The following ETF1 variants were observed in gnomAD, a reference collection of about 807,000 sequenced individuals.
ETF1 encodes the protein eukaryotic translation termination factor 1, also known as eukaryotic peptide chain release factor subunit 1.
ETF1 carries 4 observed loss-of-function variants against 55.1 expected under a neutral mutation model. The observed-to-expected ratio is 0.07, with a 90% CI of 0.04 to 0.17. The LOEUF (loss-of-function observed/expected upper bound fraction) is 0.17, where lower values mean the gene tolerates loss of function less well. ETF1 is among the 10% of genes least tolerant of loss of function. The probability of loss-of-function intolerance (pLI) is 1.00; values close to 1 mark genes in which losing one functional copy is unlikely to be tolerated. For missense variants in ETF1, 142 were observed against 523.6 expected, an observed-to-expected ratio of 0.27 and a Z score of 7.11; for synonymous variants, 157 against 182.3, an observed-to-expected ratio of 0.86 and a Z score of 1.12.
chr5:138,529,179 C>CAA (rs200791305), intron 2 of ETF1, among the ~76,000 whole-genome samples: 1 of 151,516 alleles, frequency 6.6e-6, no homozygotes, highest in Non-Finnish European at 1.5e-5. Flanking sequence ...AACAAACAAA[C>CAA]AAAAAAAACA....
intron 2 of ETF1, among the ~76,000 whole-genome samples, chr5:138,535,477 T>C (rs1173028264): frequency 6.6e-6 from 1 of 151,222 alleles, no homozygotes; most frequent in African/African-American, 2.4e-5. Context: ...CCCAGCACTT[T>C]GGGAGGCCGA....
intron 2 of ETF1, among the ~76,000 whole-genome samples, chr5:138,522,114 G>GTT: frequency 6.6e-6 from 1 of 151,286 alleles, no homozygotes; most frequent in African/African-American, 2.4e-5. Context: ...TGTTTTTTTG[G>GTT]TTTTTTTTAC....
intron 2 of ETF1, among the ~76,000 whole-genome samples, chr5:138,522,062 A>C (rs1765253842): frequency 6.6e-6 from 1 of 152,144 alleles, no homozygotes; most frequent in African/African-American, 2.4e-5. Context: ...CAAAATTAAA[A>C]ACTTTTAGGC....
chr5:138,530,732 C>G (rs188221800), intron 2 of ETF1, among the ~76,000 whole-genome samples: 27 of 151,276 alleles, frequency 1.8e-4, no homozygotes, highest in Non-Finnish European at 3.8e-4. Context: ...CGCCACAATG[C>G]CTGGCTATTT....
chr5:138,530,864 C>T (rs964189055), intron 2 of ETF1, among the ~76,000 whole-genome samples: 2 of 152,210 alleles, frequency 1.3e-5, no homozygotes, highest in Non-Finnish European at 2.9e-5. Flanking sequence ...TGTGCCCGGC[C>T]TCAAATACGC....
chr5:138,515,216 C>A (rs1326856616), intron 4 of ETF1, among the ~76,000 whole-genome samples: 2 of 152,164 alleles, frequency 1.3e-5, no homozygotes, highest in Non-Finnish European at 2.9e-5. Context: ...CACTCGAGGT[C>A]AGGAGTTTCA....
intron 5 of ETF1, 196 bp from the exon 6 acceptor site, chr5:138,513,150 G>C: frequency 1.0e-6 from 1 of 985,274 alleles, no homozygotes; most frequent in Non-Finnish European, 1.2e-6. Flanking sequence ...GAGAGGAGCT[G>C]TAAGTACCAA....
rs374431705 is a variant in ETF1 at position 138,508,265 on chromosome 5, T to C, written c.*40A>G. 7.0e-5 allele frequency: 113 copies of C among 1,604,090 alleles called. No homozygotes were observed. Among genetic ancestry groups the C allele is most frequent in the Admixed American group, 1.7e-5 (1 of 58,820 alleles). On this transcript the variant is annotated 3_prime_UTR_variant, in exon 11 of 11. Transcript: ENST00000360541. ...TGGGTATGCTCCTTGGGTTGGATGC[T>C]GGAGGGTGAGGCACGTTTTGCCGGA...
At chr5:138,531,063 T>C (rs1030688711) in intron 2 of ETF1, among the ~76,000 whole-genome samples, 2 of 152,184 alleles carry the variant, frequency 1.3e-5, no homozygotes, top group African/African-American at 4.8e-5. Context: ...CCCAAATTCA[T>C]GTGTTGGAAA....
At chr5:138,531,920 G>A (rs1199861469) in intron 2 of ETF1, among the ~76,000 whole-genome samples, 5 of 152,250 alleles carry the variant, frequency 3.3e-5, no homozygotes, top group African/African-American at 1.2e-4. Context: ...GGTGGCGGGC[G>A]CCTATAGTCC....
At chr5:138,537,424 AC>A (rs1448675035) in intron 2 of ETF1, among the ~76,000 whole-genome samples, 1 of 152,226 alleles carries the variant, frequency 6.6e-6, no homozygotes, top group Non-Finnish European at 1.5e-5. Flanking sequence ...CTCAACTGTT[AC>A]CACCTAATCC....
At chr5:138,542,014 A>G (rs1320451330) in intron 2 of ETF1, among the ~76,000 whole-genome samples, 1 of 152,166 alleles carries the variant, frequency 6.6e-6, no homozygotes, top group African/African-American at 2.4e-5. Flanking sequence ...ATCTCACTCA[A>G]CAAGCATCAA....
At chr5:138,516,083 C>G (rs1006325786) in intron 4 of ETF1, among the ~76,000 whole-genome samples, 32 of 152,142 alleles carry the variant, frequency 2.1e-4, no homozygotes, top group African/African-American at 7.5e-4. Context: ...AATGAGGTTT[C>G]CTTTCCACTG....
intron 2 of ETF1, among the ~76,000 whole-genome samples, chr5:138,538,259 G>A (rs190207453): frequency 1.5e-5 from 2 of 137,664 alleles, no homozygotes; most frequent in African/African-American, 5.8e-5. Flanking sequence ...GCGGAATCCC[G>A]GCTCACTGCA....
chr5:138,533,280 G>A (rs908199469), intron 2 of ETF1, among the ~76,000 whole-genome samples: 2 of 152,012 alleles, frequency 1.3e-5, no homozygotes, highest in African/African-American at 4.8e-5. Flanking sequence ...TTAGCACATA[G>A]TGGTGCTCAA....
chr5:138,536,343 G>T (rs749720578), intron 2 of ETF1, among the ~76,000 whole-genome samples: 58 of 152,186 alleles, frequency 3.8e-4, no homozygotes, highest in Admixed American at 2.0e-3. Context: ...ACCTGAAAAT[G>T]TCAAGTCCTC....
At chr5:138,538,670 GA>G (rs527875055) in intron 2 of ETF1, among the ~76,000 whole-genome samples, 55 of 143,202 alleles carry the variant, frequency 3.8e-4, no homozygotes, top group African/African-American at 6.4e-4. Context: ...GATAGTGAGG[GA>G]AAAAAAAAAA....
rs1480169087 is a variant in ETF1 at position 138,511,564 on chromosome 5, T to A, written c.773A>T (p.Tyr258Phe). ...SKVLKLVDIS[Y>F]GGENGFNQAI... is the part of the protein sequence containing the mutation. ...TTGGTTGAATCCATTTTCACCACCA[T>A]AGGATATATCAACTAATTTTAAAAC... Residue 258 changes from tyrosine (Y) to phenylalanine (F), a missense_variant, in exon 7 of 11, where the codon TAT (tyrosine) becomes TTT (phenylalanine). Physicochemically the swap from Tyr to Phe is conservative, Grantham distance 22. This residue lies in a region of ETF1 where 82 missense variants were observed against 232.9 expected (regional missense o/e 0.35). Transcript: ENST00000360541. 6.2e-7 allele frequency: 1 copy of A among 1,612,272 alleles called. No homozygotes were observed. The highest frequency in any genetic ancestry group is 1.1e-5 in the South Asian group (1 of 90,940).
intron 2 of ETF1, among the ~76,000 whole-genome samples, chr5:138,530,819 C>T (rs1379920543): frequency 6.6e-6 from 1 of 152,212 alleles, no homozygotes; most frequent in Admixed American, 6.5e-5. Flanking sequence ...TCTGCCTTGG[C>T]CTCCCAAAGA....
Sources: allele counts gnomAD v4.1 joint callset (sites outside exome capture counted in the v4.1 genomes callset), GRCh38; gene constraint gnomAD v4.1.1; regional missense constraint gnomAD v4.1.1; transcripts MANE v1.5; gene names NCBI Gene and HGNC (gene_info 2026-07-23, HGNC 2026-07-21).